Variants in ROBO2 observed in about 807,000 individuals in gnomAD.
The protein encoded by ROBO2 is roundabout homolog 2.
Under a neutral mutation model 160.8 loss-of-function variants are expected in ROBO2, and 53 were observed. That is an observed-to-expected ratio of 0.33 (90% CI 0.26 to 0.41). The LOEUF is 0.41. Ranked by LOEUF, ROBO2 falls within the 10% of genes least tolerant of loss-of-function variation. The pLI is 1.00. For synonymous variants in ROBO2, 664 were observed against 611.7 expected, an observed-to-expected ratio of 1.09 and a Z score of -1.26; for missense variants, 1,577 against 1,722.4, an observed-to-expected ratio of 0.92 and a Z score of 1.49.
intron 24 of ROBO2, among the ~76,000 whole-genome samples, chr3:77,636,144 T>C (rs554127103): frequency 6.6e-6 from 1 of 152,238 alleles, no homozygotes; most frequent in South Asian, 2.1e-4. Context: ...GATTTTAACG[T>C]TGAATTTTGG....
chr3:77,644,189 T>A (rs2095388168), intron 24 of ROBO2, among the ~76,000 whole-genome samples: 1 of 152,160 alleles, frequency 6.6e-6, no homozygotes, highest in Non-Finnish European at 1.5e-5. Context: ...AGGAAATACA[T>A]AGCCCTTTAA....
intron 2 of ROBO2, among the ~76,000 whole-genome samples, chr3:77,154,509 T>A (rs78477435): frequency 1.0e-3 from 159 of 152,134 alleles, no homozygotes; most frequent in African/African-American, 3.4e-3. Flanking sequence ...AAACCAACAA[T>A]CCCATTTCTG....
At chr3:76,509,977 G>T (rs1224245257) in intron 2 of ROBO2, among the ~76,000 whole-genome samples, 1 of 151,928 alleles carries the variant, frequency 6.6e-6, no homozygotes, top group African/African-American at 2.4e-5. Flanking sequence ...GGCGAATATA[G>T]ACTCTCCCAG....
chr3:75,933,959 G>A (rs773013338), intron 1 of ROBO2, among the ~76,000 whole-genome samples: 2 of 152,066 alleles, frequency 1.3e-5, no homozygotes, highest in African/African-American at 4.8e-5. Flanking sequence ...AGGCTCCATC[G>A]GACAACTACC....
intron 2 of ROBO2, among the ~76,000 whole-genome samples, chr3:76,485,569 C>T (rs1214764228): frequency 6.6e-6 from 1 of 152,132 alleles, no homozygotes; most frequent in African/African-American, 2.4e-5. Context: ...TAGCTCCCTC[C>T]ATAAAATGTG....
intron 2 of ROBO2, among the ~76,000 whole-genome samples, chr3:76,614,599 A>G (rs1211450612): frequency 6.6e-6 from 1 of 152,122 alleles, no homozygotes; most frequent in Non-Finnish European, 1.5e-5. Flanking sequence ...TTTATTAGCT[A>G]CAACACAGCA....
intron 6 of ROBO2, among the ~76,000 whole-genome samples, chr3:77,525,120 T>G (rs982789460): frequency 2.0e-5 from 3 of 151,348 alleles, no homozygotes; most frequent in African/African-American, 7.3e-5. Context: ...GCAGCCTTTC[T>G]TTGGATCGTT....
intron 2 of ROBO2, among the ~76,000 whole-genome samples, chr3:76,104,766 T>G (rs1038880583): frequency 6.6e-5 from 10 of 152,196 alleles, no homozygotes; most frequent in Non-Finnish European, 1.3e-4. Flanking sequence ...TAATTAGATG[T>G]TAATTGTTCA....
At position 77,293,607 on chromosome 3, in the gene ROBO2, C is replaced by T. The variant is rs1228723655; in HGVS notation, c.389-183807C>T. On this transcript the variant is annotated intron_variant, in intron 2 of 25. Transcript: ENST00000461745. ...TAAGCTGAGGCTAGATCACCCCAGA[C>T]ACAAAGTAAAATTGACGGTTAAACG... Among the ~76,000 whole-genome samples, 3 of 144,406 alleles carry T rather than the reference C, an allele frequency of 2.1e-5. No individual in the cohort carries two copies. In the Admixed American group the frequency reaches 2.1e-4, roughly 10 times the overall value. 94.7% of individuals were successfully genotyped at this position (144,406 alleles called of 152,430 possible).
intron 2 of ROBO2, among the ~76,000 whole-genome samples, chr3:76,886,647 G>A (rs1007917598): frequency 5.3e-5 from 8 of 152,126 alleles, no homozygotes; most frequent in Non-Finnish European, 7.4e-5. Flanking sequence ...CAAGGGAAAG[G>A]GAAGTGAGGA....
chr3:77,204,504 C>T (rs1204038157), intron 2 of ROBO2, among the ~76,000 whole-genome samples: 1 of 151,836 alleles, frequency 6.6e-6, no homozygotes, highest in African/African-American at 2.4e-5. Context: ...GCTTTAAGTG[C>T]CATGTTTTTT....
At chr3:77,545,977 G>C (rs1274598628) in intron 6 of ROBO2, among the ~76,000 whole-genome samples, 1 of 152,090 alleles carries the variant, frequency 6.6e-6, no homozygotes, top group African/African-American at 2.4e-5. Flanking sequence ...GGTTGAGTAA[G>C]AGAGTGATTC....
intron 2 of ROBO2, among the ~76,000 whole-genome samples, chr3:76,803,256 A>G (rs1324994977): frequency 6.6e-6 from 1 of 152,134 alleles, no homozygotes; most frequent in African/African-American, 2.4e-5. Flanking sequence ...AATTTAATGA[A>G]CTTGAACATA....
chr3:76,023,931 A>G (rs1008665907), intron 2 of ROBO2, among the ~76,000 whole-genome samples: 5 of 151,524 alleles, frequency 3.3e-5, no homozygotes, highest in Admixed American at 6.6e-5. Flanking sequence ...ATTAGATCCA[A>G]ATCAAATCTC....
intron 2 of ROBO2, among the ~76,000 whole-genome samples, chr3:76,270,336 C>A (rs1005722744): frequency 5.3e-5 from 8 of 152,024 alleles, no homozygotes; most frequent in African/African-American, 1.9e-4. Flanking sequence ...ATATAATAGA[C>A]ATTCCTCAGA....
chr3:76,300,157 G>C (rs77750320), intron 2 of ROBO2, among the ~76,000 whole-genome samples: 10,156 of 152,088 alleles, frequency 0.067, 405 homozygotes, highest in African/African-American at 0.12. Flanking sequence ...TTCATGGGCT[G>C]TGGGAAAGAA....
At position 76,022,962 on chromosome 3, in the gene ROBO2, A is replaced by G. The variant is rs181109389; in HGVS notation, c.109+85360A>G. 2.8e-3 allele frequency among the ~76,000 whole-genome samples: 423 copies of G among 151,832 alleles called. 5 individuals are homozygous for G. Among genetic ancestry groups the G allele is most frequent in the Admixed American group, 0.025 (375 of 15,204 alleles). On this transcript the variant is annotated intron_variant, in intron 2 of 26. Coordinates refer to the ROBO2 transcript ENST00000487694. Reference sequence around the variant, plus strand: ...TTGTTTAGCGAAGCCACCTTCATCTATTATCTTAGCTAGATTTACTGGATT... The same window carrying G: ...TTGTTTAGCGAAGCCACCTTCATCTGTTATCTTAGCTAGATTTACTGGATT...
At chr3:76,560,705 T>G (rs1389046042) in intron 2 of ROBO2, among the ~76,000 whole-genome samples, 3 of 150,726 alleles carry the variant, frequency 2.0e-5, no homozygotes, top group African/African-American at 7.3e-5. Flanking sequence ...CCCCCACATA[T>G]TAACTGCTTT....
chr3:76,432,015 T>C (rs915233194), intron 2 of ROBO2, among the ~76,000 whole-genome samples: 1 of 152,306 alleles, frequency 6.6e-6, no homozygotes, highest in African/African-American at 2.4e-5. Flanking sequence ...GAATCCCACC[T>C]GTAGGAAAAG....
Sources: gnomAD v4.1 joint callset for allele counts (sites outside exome capture counted in the v4.1 genomes callset) on GRCh38, gnomAD v4.1.1 for gene constraint, MANE v1.5 for transcripts, NCBI Gene and HGNC (gene_info 2026-07-23, HGNC 2026-07-21) for gene names.